NOD1: variants seen among roughly 807,000 people sequenced by gnomAD.
NOD1 encodes the protein nucleotide-binding oligomerization domain-containing protein 1.
Under a neutral mutation model 81.2 loss-of-function variants are expected in NOD1, and 70 were observed. The ratio of observed to expected loss-of-function variants is 0.86; its 90% CI spans 0.71 to 1.05. The LOEUF (loss-of-function observed/expected upper bound fraction) is 1.05, where lower values mean the gene tolerates loss of function less well. Ranked by LOEUF, NOD1 falls within the 50% of genes least tolerant of loss-of-function variation. The pLI is 0.00. For missense variants in NOD1, 1,233 were observed against 1,228.0 expected (o/e 1.00, Z -0.06); for synonymous variants, 508 against 526.9 (o/e 0.96, Z 0.49).
chr7:30,468,090 TAATC>T (rs537662362), intron 1 of NOD1, among the ~76,000 whole-genome samples: 210 of 152,208 alleles, frequency 1.4e-3, no homozygotes, highest in African/African-American at 4.9e-3. Context: ...AAGTGAAAAA[TAATC>T]AGTCCCCACA....
chr7:30,425,401 C>G lies in NOD1; in HGVS notation c.*237G>C, dbSNP rs925251980. 2 of 562,790 alleles carry G rather than the reference C, an allele frequency of 3.6e-6. No individual in the cohort carries two copies. The highest frequency in any genetic ancestry group is 1.9e-5 in the African/African-American group (1 of 53,206). The allele number at this position is 562,790 out of a possible 1,614,324, so 34.9% of individuals were successfully genotyped here. ...ATAAAGTCTCTTCACAGTGTATTTA[C>G]TGTAACTACAACAGCTCGCAAGACA... On this transcript the variant is annotated 3_prime_UTR_variant, in exon 14 of 14. Coordinates refer to ENST00000222823, the MANE Select transcript of NOD1 (RefSeq NM_006092.4).
chr7:30,456,779 T>A lies in NOD1; in HGVS notation c.143A>T (p.Asp48Val), dbSNP rs766821538. Residue 48 changes from aspartate (D) to valine (V), a missense_variant, in exon 4 of 14, where the codon GAC (aspartate) becomes GTC (valine). Transcript: ENST00000222823. ...CTCCGCATCTTCGGCCGAGAAGTAG[T>A]CATTCTTCAGCAAGTTGTCCACCAG... ...QCLVDNLLKN[D>V]YFSAEDAEIV... 10 of 1,614,076 alleles carry A rather than the reference T, an allele frequency of 6.2e-6. No individual in the cohort carries two copies. The South Asian group carries it at 9.9e-5, about 16-fold the overall frequency.
At chr7:30,453,483 A>C (rs990022912) in intron 5 of NOD1, among the ~76,000 whole-genome samples, 2 of 152,160 alleles carry the variant, frequency 1.3e-5, no homozygotes, top group African/African-American at 2.4e-5. Flanking sequence ...GCTAGGGTGC[A>C]GTGACCCAAT....
intron 1 of NOD1, among the ~76,000 whole-genome samples, chr7:30,466,537 A>C (rs1009361780): frequency 3.3e-5 from 5 of 152,218 alleles, no homozygotes; most frequent in Non-Finnish European, 5.9e-5. Flanking sequence ...GTGCACGCCT[A>C]CTGTCCTAAT....
intron 1 of NOD1, among the ~76,000 whole-genome samples, chr7:30,477,725 G>A (rs916214161): frequency 1.3e-5 from 2 of 148,268 alleles, no homozygotes; most frequent in African/African-American, 5.0e-5. Context: ...TCACCATGTT[G>A]GGCCAGGCTG....
At chr7:30,435,357 C>G (rs1488387190) in intron 11 of NOD1, among the ~76,000 whole-genome samples, 1 of 152,002 alleles carries the variant, frequency 6.6e-6, no homozygotes, top group Non-Finnish European at 1.5e-5. Flanking sequence ...AAATTTTGAG[C>G]CAAGTGTGTG....
intron 9 of NOD1, among the ~76,000 whole-genome samples, chr7:30,445,519 G>T (rs1401871471): frequency 6.6e-6 from 1 of 151,856 alleles, no homozygotes; most frequent in Admixed American, 6.6e-5. Context: ...GACACTTTGG[G>T]AGACCGAGGT....
intron 1 of NOD1, chr7:30,463,669 C>T (rs543977166): frequency 2.6e-5 from 4 of 151,262 alleles, no homozygotes; most frequent in Admixed American, 1.3e-4. Context: ...GGACCTTGAG[C>T]GGAGATGTGC....
chr7:30,463,184 G>C (rs1233306805), intron 1 of NOD1, among the ~76,000 whole-genome samples: 1 of 152,044 alleles, frequency 6.6e-6, no homozygotes, highest in East Asian at 1.9e-4. Flanking sequence ...TATACATATA[G>C]ATACATACGA....
chr7:30,453,573 C>G (rs1562691624), intron 5 of NOD1, among the ~76,000 whole-genome samples: 2 of 152,194 alleles, frequency 1.3e-5, no homozygotes, highest in Non-Finnish European at 2.9e-5. Context: ...CATATGCCAC[C>G]AAGCCCAACT....
At chr7:30,449,885 T>A (rs373802907) in intron 6 of NOD1, among the ~76,000 whole-genome samples, 26 of 151,828 alleles carry the variant, frequency 1.7e-4, no homozygotes, top group African/African-American at 6.3e-4. Context: ...TGGTGTGGAG[T>A]TTCCCATTGA....
At position 30,478,173 on chromosome 7, in the gene NOD1, T is replaced by A. The variant is rs1393191560; in HGVS notation, c.-352+433A>T. Among the ~76,000 whole-genome samples, 1 of 152,138 alleles carries A rather than the reference T, an allele frequency of 6.6e-6. No individual in the cohort carries two copies. The highest frequency in any genetic ancestry group is 1.5e-5 in the Non-Finnish European group (1 of 68,026). On this transcript the variant is annotated intron_variant, in intron 1 of 13. Coordinates refer to ENST00000222823, the MANE Select transcript of NOD1 (RefSeq NM_006092.4). This position sits in a 1 kb window ranked among gnomAD's most constrained non-coding sequence, Gnocchi z 4.1. Reference sequence around the variant, plus strand: ...AGGCGGGACTCCATGAAGGCCCCTGTCTGCCCTTCCAGCCTTTGCCACAAA... The same window carrying A: ...AGGCGGGACTCCATGAAGGCCCCTGACTGCCCTTCCAGCCTTTGCCACAAA...
Position 30,438,547 on chromosome 7 carries a change from G to C in NOD1, c.2454-891C>G, listed in dbSNP as rs190967263. On this transcript the variant is annotated intron_variant, in intron 9 of 13. Coordinates refer to ENST00000222823, the MANE Select transcript of NOD1 (RefSeq NM_006092.4). ...TGTCTACACACAACAGAACAAGTTC[G>C]TGTGGCCCACTCACAACACAATGGC... 4.0e-3 allele frequency among the ~76,000 whole-genome samples: 604 copies of C among 152,302 alleles called. 10 individuals are homozygous for C. Among genetic ancestry groups the C allele is most frequent in the Non-Finnish European group, 1.1e-3 (74 of 68,036 alleles).
intron 10 of NOD1, among the ~76,000 whole-genome samples, chr7:30,436,400 T>C (rs1327169754): frequency 6.6e-6 from 1 of 152,196 alleles, no homozygotes; most frequent in Admixed American, 6.5e-5. Context: ...GCTGTCCTTC[T>C]AAAGGCTGGC....
At chr7:30,447,198 C>G (rs747119874) in intron 7 of NOD1, 148 bp from the exon 8 acceptor site, 7 of 1,357,148 alleles carry the variant, frequency 5.2e-6, no homozygotes, top group Non-Finnish European at 1.0e-6. Context: ...GCTCTGAGGT[C>G]TCACAGCTCA....
At chr7:30,427,481 C>G (rs1417489888) in intron 13 of NOD1, among the ~76,000 whole-genome samples, 1 of 152,200 alleles carries the variant, frequency 6.6e-6, no homozygotes, top group Admixed American at 6.5e-5. Flanking sequence ...GTGTGGCAGT[C>G]CCTGGCAGGG....
chr7:30,472,437 G>C (rs1360224984), intron 1 of NOD1, among the ~76,000 whole-genome samples: 2 of 152,210 alleles, frequency 1.3e-5, no homozygotes, highest in African/African-American at 4.8e-5. Flanking sequence ...CCTAATTCTA[G>C]TTCTGCTCTG....
chr7:30,469,466 C>T (rs1474140660), intron 1 of NOD1, among the ~76,000 whole-genome samples: 2 of 152,098 alleles, frequency 1.3e-5, no homozygotes, highest in South Asian at 2.1e-4. Flanking sequence ...ATAGTGTGAG[C>T]TCCAGACACA....
At chr7:30,435,912 C>G in intron 11 of NOD1, 86 bp downstream of exon 11, 1 of 1,116,750 alleles carries the variant, frequency 9.0e-7, no homozygotes. Context: ...GAGCTGAGAT[C>G]ACACCAATGC....
Sources: gnomAD v4.1 joint callset for allele counts (sites outside exome capture counted in the v4.1 genomes callset) on GRCh38, gnomAD v4.1.1 for gene constraint, Gnocchi (gnomAD v3.1) non-coding constraint, MANE v1.5 for transcripts, NCBI Gene and HGNC (gene_info 2026-07-23, HGNC 2026-07-21) for gene names.